MYH4: variants seen among roughly 807,000 people sequenced by gnomAD.
MYH4 encodes the protein myosin heavy chain 4, also known as myosin-4.
In MYH4, 200 loss-of-function variants were observed where a neutral mutation model predicts 229.9. The ratio of observed to expected loss-of-function variants is 0.87; its 90% CI spans 0.78 to 0.98. The LOEUF is 0.98. Among genes scored for constraint, MYH4 ranks in the 50% least tolerant of loss-of-function variants. The pLI, the probability that MYH4 is intolerant of heterozygous loss-of-function variation, is 0.00. For missense variants in MYH4, 2,148 were observed against 2,332.6 expected, an observed-to-expected ratio of 0.92 and a Z score of 1.63; for synonymous variants, 761 against 834.6, an observed-to-expected ratio of 0.91 and a Z score of 1.52.
rs138979215 is a variant in MYH4 at position 10,457,533 on chromosome 17, C to T, written c.1784G>A (p.Gly595Asp). The T allele has an allele frequency of 1.4e-3, 2,330 of 1,614,190 alleles. 5 individuals are homozygous for T. The highest frequency in any genetic ancestry group is 1.8e-3 in the Non-Finnish European group (2,084 of 1,180,030). The change falls in exon 16 of 40, where the codon GGC becomes GAC. Residue 595 changes from glycine (G) to aspartate (D), a missense_variant. Coordinates refer to ENST00000255381, the MANE Select transcript of MYH4 (RefSeq NM_017533.2). ...GGGGTCCTTGTTTTTGTCCAGCCAG[C>T]CGGCGATGTTGTAGTCCACGGTGCC... ...YAGTVDYNIA[G>D]WLDKNKDPLN...
At chr17:10,461,117 C>G (rs557448625) in intron 11 of MYH4, 63 bp from the exon 12 acceptor site, 1 of 1,581,184 alleles carries the variant, frequency 6.3e-7, no homozygotes, top group Non-Finnish European at 8.6e-7. Context: ...CTCAGAACAC[C>G]GGGGCTGTCT....
Position 10,457,537 on chromosome 17 carries a change from C to T in MYH4, c.1780G>A (p.Ala594Thr), listed in dbSNP as rs12949680. ...TCCTTGTTTTTGTCCAGCCAGCCGG[C>T]GATGTTGTAGTCCACGGTGCCGGCA... is the stretch of plus-strand genomic sequence containing the variant. ...HYAGTVDYNIAGWLDKNKDPL... is the reference protein window; with the variant it reads ...HYAGTVDYNITGWLDKNKDPL... The change falls in exon 16 of 40, where the codon GCC becomes ACC. Residue 594 changes from alanine to threonine, a missense_variant. Coordinates refer to ENST00000255381, the MANE Select transcript of MYH4 (RefSeq NM_017533.2). The T allele has an allele frequency of 0.057, 92,409 of 1,614,100 alleles. 3,045 individuals are homozygous for T. The highest frequency in any genetic ancestry group is 0.11 in the South Asian group (10,129 of 91,064).
Position 10,460,243 on chromosome 17 carries a change from A to G in MYH4, c.1226T>C (p.Val409Ala), listed in dbSNP as rs142060534. ...GCCTTTGGTTACGAACTCATTGCCG[A>G]CCTTGACTCTGGGATAGCAGAGAGA... ...LKSLCYPRVK[V>A]GNEFVTKGQT... The change falls in exon 13 of 40, where the codon GTC becomes GCC. Residue 409 changes from valine to alanine, a missense_variant. Physicochemically the swap from Val to Ala is moderately conservative, Grantham distance 64 (BLOSUM62 0). Coordinates refer to ENST00000255381, the MANE Select transcript of MYH4 (RefSeq NM_017533.2). 1 of 1,614,108 alleles carries G rather than the reference A, an allele frequency of 6.2e-7. No homozygotes were observed. Among genetic ancestry groups the G allele is most frequent in the Non-Finnish European group, 8.5e-7 (1 of 1,179,962 alleles).
chr17:10,446,061 T>G (rs1251805768), intron 35 of MYH4, among the ~76,000 whole-genome samples: 1 of 150,138 alleles, frequency 6.7e-6, no homozygotes, highest in African/African-American at 2.4e-5. Flanking sequence ...AATAGTAGTC[T>G]TGTTGGGATA....
Position 10,453,885 on chromosome 17 carries a change from C to A in MYH4, c.2692G>T (p.Glu898Ter), listed in dbSNP as rs1182721815. 1 of 1,613,642 alleles carries A rather than the reference C, an allele frequency of 6.2e-7. No homozygotes were observed. The highest frequency in any genetic ancestry group is 8.5e-7 in the Non-Finnish European group (1 of 1,179,836). The change falls in exon 23 of 40, where the codon GAA becomes TAA. Residue 898 changes from glutamate (E) to a stop codon, truncating the protein, a stop_gained and splice_region_variant. Coordinates refer to ENST00000255381, the MANE Select transcript of MYH4 (RefSeq NM_017533.2). LOFTEE classifies it high-confidence loss of function. ...KNDLQLQVQA[E>*]ADALADAEER... Reference sequence around the variant, plus strand: ...TCTGCATCAGCCAAGGCATCTGCTTCCTAAAGGGAGAAATTAAGCATTTTC... The same window carrying A: ...TCTGCATCAGCCAAGGCATCTGCTTACTAAAGGGAGAAATTAAGCATTTTC...
chr17:10,460,908 G>A lies in MYH4; in HGVS notation c.1147+8C>T, dbSNP rs760222690. 1.7e-5 allele frequency: 27 copies of A among 1,613,750 alleles called. No individual in the cohort carries two copies. Among genetic ancestry groups the A allele is most frequent in the South Asian group, 4.4e-5 (4 of 91,054 alleles). ...TGTCAAGTGGAAGATACCAACAGGG[G>A]GTGGTACCTTCCGTGCCATCTGGCT... On this transcript the variant is annotated splice_region_variant and intron_variant, in intron 12 of 39. Coordinates refer to ENST00000255381, the MANE Select transcript of MYH4 (RefSeq NM_017533.2).
In MYH4 at chr17:10,453,691, C is replaced by G; in HGVS notation, c.2886G>C (p.Glu962Asp). The G allele has an allele frequency of 7.4e-6, 12 of 1,614,128 alleles. No homozygotes were observed. Among genetic ancestry groups the G allele is most frequent in the Non-Finnish European group, 1.0e-5 (12 of 1,180,008 alleles). ...SELKKDIDDL[E>D]LTLAKVEKEK... is the part of the protein sequence containing the mutation. ...CCTTCTCAACCTTGGCCAGTGTCAG[C>G]TCAAGGTCATCAATGTCTTTCTTGA... The change falls in exon 23 of 40, where the codon GAG becomes GAC. Residue 962 changes from glutamate to aspartate, a missense_variant. By Grantham distance (45) the Glu-to-Asp change is conservative. Transcript: ENST00000255381.
At chr17:10,458,443 T>A in intron 15 of MYH4, among the ~76,000 whole-genome samples, 1 of 152,202 alleles carries the variant, frequency 6.6e-6, no homozygotes, top group East Asian at 1.9e-4. Flanking sequence ...ATCACCAGAT[T>A]AACGTATCTT....
At chr17:10,467,844 A>G (rs929073126) in intron 2 of MYH4, among the ~76,000 whole-genome samples, 12 of 152,226 alleles carry the variant, frequency 7.9e-5, no homozygotes, top group African/African-American at 2.4e-4. Context: ...TGGCAAGGAC[A>G]GGGTGAGTGG....
At chr17:10,450,321 TC>T in intron 30 of MYH4, 131 bp downstream of exon 30, 4 of 1,424,780 alleles carry the variant, frequency 2.8e-6, no homozygotes, top group Non-Finnish European at 3.8e-6. Context: ...TATGGTGGAA[TC>T]CACCAACCTA....
Position 10,443,684 on chromosome 17 carries a change from A to G in MYH4, c.5668-157T>C, listed in dbSNP as rs548981321. On this transcript the variant is annotated intron_variant, in intron 39 of 39. Coordinates refer to ENST00000255381, the MANE Select transcript of MYH4 (RefSeq NM_017533.2). This position sits in a 1 kb window ranked among gnomAD's most constrained non-coding sequence, Gnocchi z 4.6. ...ACCTGTAATCCCAGCACTCTGGGAG[A>G]CTGAGGCGGGTGGATCACCTGAGGT... is the stretch of plus-strand genomic sequence containing the variant. Among the ~76,000 whole-genome samples, 1 of 152,236 alleles carries G rather than the reference A, an allele frequency of 6.6e-6. No homozygotes were observed. The highest frequency in any genetic ancestry group is 2.4e-5 in the African/African-American group (1 of 41,540).
chr17:10,451,205 A>G, intron 28 of MYH4, 121 bp downstream of exon 28: 1 of 1,260,238 alleles, frequency 7.9e-7, no homozygotes, highest in Middle Eastern at 1.9e-4. Flanking sequence ...AGATGGAGGA[A>G]TAAGTAAGAC....
rs539862579 is a variant in MYH4, at chr17:10,455,873, A to T, written c.1997T>A (p.Leu666Ter). Reference protein sequence around the residue: ...RENLNKLMTNLRSTHPHFVRC... With the variant: ...RENLNKLMTN Reference sequence around the variant, plus strand: ...CACAAAGTGGGGGTGAGTGCTCCTCAAGTTGGTCATCAGCTTATTCAAATT... The same window carrying T: ...CACAAAGTGGGGGTGAGTGCTCCTCTAGTTGGTCATCAGCTTATTCAAATT... The change falls in exon 18 of 40, where the codon TTG (leucine) becomes TAG (stop). Residue 666 changes from leucine to a stop codon, truncating the protein, a stop_gained. Transcript: ENST00000255381. LOFTEE classifies it high-confidence loss of function. The T allele has an allele frequency of 6.2e-7, 1 of 1,614,214 alleles. No individual in the cohort carries two copies. Among genetic ancestry groups the T allele is most frequent in the African/African-American group, 1.3e-5 (1 of 75,036 alleles).
Position 10,455,064 on chromosome 17 carries a change from G to A in MYH4, c.2312C>T (p.Ala771Val). 1 of 1,614,178 alleles carries A rather than the reference G, an allele frequency of 6.2e-7. No homozygotes were observed. The stretch of plus-strand genomic sequence containing the variant: ...TTCCTCTAGAGTTCCCAGCAGGCCA[G>A]CTTTGAAGAAAACCTTATGAAAGAA... ...KFGHTKVFFK[A>V]GLLGTLEEMR... The change falls in exon 21 of 40, where the codon GCT becomes GTT. Residue 771 changes from alanine (A) to valine (V), a missense_variant. Transcript: ENST00000255381.
intron 7 of MYH4, among the ~76,000 whole-genome samples, chr17:10,464,066 A>G (rs955784401): frequency 6.6e-6 from 1 of 152,116 alleles, no homozygotes; most frequent in African/African-American, 2.4e-5. Flanking sequence ...GTACATGGGT[A>G]TATTGCATGA....
rs965236986 is a variant in MYH4 at position 10,454,541 on chromosome 17, T to C, written c.2691+14A>G. 3.7e-6 allele frequency: 6 copies of C among 1,609,014 alleles called. No individual in the cohort carries two copies. Among genetic ancestry groups the C allele is most frequent in the Non-Finnish European group, 5.1e-6 (6 of 1,177,754 alleles). On this transcript the variant is annotated intron_variant, in intron 22 of 39. Transcript: ENST00000255381. ...GTAATAAGATGTGGCTGAACTGCAA[T>C]GTATAATACTTACAGCTTGAACTTG...
At position 10,463,322 on chromosome 17, in the gene MYH4, A is replaced by G; in HGVS notation, c.805+16T>C. The G allele has an allele frequency of 1.9e-6, 3 of 1,596,440 alleles. No individual in the cohort carries two copies. Among genetic ancestry groups the G allele is most frequent in the Non-Finnish European group, 1.7e-6 (2 of 1,169,040 alleles). On this transcript the variant is annotated intron_variant, in intron 9 of 39. Transcript: ENST00000255381. ...CAAAGAAAAAGATTCTCAATCACTA[A>G]TATTTATTAACTTACATGTTTCAAT...
At chr17:10,449,668 A>G (rs34106249) in intron 30 of MYH4, among the ~76,000 whole-genome samples, 7,908 of 152,258 alleles carry the variant, frequency 0.052, 250 homozygotes, top group South Asian at 0.12. Flanking sequence ...CATACAATGA[A>G]TCAGTAACTT....
chr17:10,459,188 T>C, intron 15 of MYH4, 63 bp downstream of exon 15: 1 of 1,613,104 alleles, frequency 6.2e-7, no homozygotes, highest in Non-Finnish European at 8.5e-7. Flanking sequence ...GGGAGTGTGA[T>C]TAAGCACAGG....
Sources: allele counts gnomAD v4.1 joint callset (sites outside exome capture counted in the v4.1 genomes callset), GRCh38; gene constraint gnomAD v4.1.1; non-coding constraint Gnocchi (gnomAD v3.1); transcripts MANE v1.5; gene names NCBI Gene and HGNC (gene_info 2026-07-23, HGNC 2026-07-21).